Variants in RYR2 observed in about 807,000 individuals in gnomAD.
RYR2 encodes the protein cardiac muscle ryanodine receptor-calcium release channel.
RYR2 carries 227 observed loss-of-function variants against 601.1 expected under a neutral mutation model. That is an observed-to-expected ratio of 0.38 (90% CI 0.34 to 0.42). The LOEUF (loss-of-function observed/expected upper bound fraction) is 0.42, where lower values mean the gene tolerates loss of function less well. RYR2 is among the 10% of genes least tolerant of loss of function. The pLI is 1.00. For synonymous variants in RYR2, 2,223 were observed against 2,175.1 expected (o/e 1.02, Z -0.61); for missense variants, 4,646 against 6,156.5 (o/e 0.75, Z 8.21).
intron 5 of RYR2, among the ~76,000 whole-genome samples, chr1:237,369,213 C>G (rs1440057406): frequency 3.3e-5 from 5 of 151,996 alleles, no homozygotes; most frequent in Admixed American, 3.3e-4. Flanking sequence ...TGGTTCCCAC[C>G]CAGTGGAAAC....
chr1:237,101,684 C>T (rs770144731), intron 1 of RYR2, among the ~76,000 whole-genome samples: 7 of 152,300 alleles, frequency 4.6e-5, no homozygotes, highest in Non-Finnish European at 1.0e-4. Context: ...TTTATAAACA[C>T]CACCCAAACC....
intron 35 of RYR2, among the ~76,000 whole-genome samples, chr1:237,609,828 AT>A (rs1277215048): frequency 1.3e-5 from 2 of 152,220 alleles, no homozygotes; most frequent in East Asian, 3.9e-4. Context: ...TAATTTACTT[AT>A]TGATTTTATT....
In RYR2 at chr1:237,418,792, A is replaced by G. The variant is rs544232100; in HGVS notation, c.848+1669A>G. Among the ~76,000 whole-genome samples, 8 of 152,130 alleles carry G rather than the reference A, an allele frequency of 5.3e-5. No homozygotes were observed. The East Asian group carries it at 1.5e-3, about 29-fold the overall frequency. ...CTGTAACTTTAAAAAGCTCTTCTAT[A>G]TTGTCATTAATAACTAATTGAAAAC... On this transcript the variant is annotated intron_variant, in intron 11 of 104. Coordinates refer to ENST00000366574, the MANE Select transcript of RYR2 (RefSeq NM_001035.3).
Position 237,423,222 on chromosome 1 carries a change from A to G in RYR2, c.979A>G (p.Thr327Ala). 1.9e-6 allele frequency: 3 copies of G among 1,613,752 alleles called. No individual in the cohort carries two copies. Among genetic ancestry groups the G allele is most frequent in the African/African-American group, 1.3e-5 (1 of 75,056 alleles). The stretch of plus-strand genomic sequence containing the variant: ...CAAAGAGAAAGCTGATGTAAAATCA[A>G]CAGCATTTACCTTCCGGTCTTCCAA... Reference protein sequence around the residue: ...MDKEKADVKSTAFTFRSSKEK... With the variant: ...MDKEKADVKSAAFTFRSSKEK... Residue 327 changes from threonine to alanine, a missense_variant, in exon 12 of 105, where the codon ACA (threonine) becomes GCA (alanine). This residue lies in a region of RYR2 where 1,807 missense variants were observed against 2,088.1 expected (regional missense o/e 0.87). Coordinates refer to ENST00000366574, the MANE Select transcript of RYR2 (RefSeq NM_001035.3).
chr1:237,432,079 A>G (rs187597019), intron 12 of RYR2, among the ~76,000 whole-genome samples: 143 of 149,254 alleles, frequency 9.6e-4, no homozygotes, highest in Non-Finnish European at 5.0e-4. Flanking sequence ...TGCCACAGTA[A>G]GCAATTTTTA....
chr1:237,520,533 A>G (rs8179362), intron 24 of RYR2, among the ~76,000 whole-genome samples: 36,206 of 152,022 alleles, frequency 0.24, 4,770 homozygotes, highest in South Asian at 0.39. Flanking sequence ...AATTTTATCA[A>G]ATGCTTTTTC....
chr1:237,453,466 A>G (rs1658442337), intron 14 of RYR2, among the ~76,000 whole-genome samples: 1 of 152,158 alleles, frequency 6.6e-6, no homozygotes, highest in Non-Finnish European at 1.5e-5. Context: ...TGTAAGTTCC[A>G]GCATAGTCAG....
intron 10 of RYR2, among the ~76,000 whole-genome samples, chr1:237,409,892 C>T (rs533246055): frequency 6.6e-6 from 1 of 152,174 alleles, no homozygotes; most frequent in Admixed American, 6.5e-5. Context: ...GATTCATGAT[C>T]AAAATTTGAT....
intron 5 of RYR2, among the ~76,000 whole-genome samples, chr1:237,366,551 G>A (rs1001048774): frequency 1.3e-5 from 2 of 151,944 alleles, no homozygotes; most frequent in Non-Finnish European, 2.9e-5. Context: ...ACAAGCATGA[G>A]GCACTTTGCC....
intron 23 of RYR2, among the ~76,000 whole-genome samples, chr1:237,510,374 A>G (rs1046143121): frequency 3.9e-5 from 6 of 152,156 alleles, no homozygotes; most frequent in Non-Finnish European, 7.3e-5. Flanking sequence ...AGTGGAGATG[A>G]CCTAAATAGG....
chr1:237,393,149 A>G (rs1210992554), intron 10 of RYR2, among the ~76,000 whole-genome samples: 1 of 152,024 alleles, frequency 6.6e-6, no homozygotes, highest in African/African-American at 2.4e-5. Context: ...AGAGAAGGAG[A>G]GAAAGCTTGT....
intron 2 of RYR2, among the ~76,000 whole-genome samples, chr1:237,316,472 G>A (rs1695123991): frequency 6.6e-6 from 1 of 152,104 alleles, no homozygotes. Context: ...CTTAGTTTCA[G>A]ATCCAAAGGC....
At chr1:237,380,939 G>A (rs534898295) in intron 8 of RYR2, among the ~76,000 whole-genome samples, 5 of 152,194 alleles carry the variant, frequency 3.3e-5, no homozygotes, top group African/African-American at 7.2e-5. Context: ...TTAGCCAGGC[G>A]TGGTGGCAGG....
At chr1:237,148,533 T>TATATATATATATATACACACAA in intron 1 of RYR2, among the ~76,000 whole-genome samples, 1 of 116,714 alleles carries the variant, frequency 8.6e-6, no homozygotes, top group African/African-American at 4.0e-5. Flanking sequence ...AAAAAATATA[T>TATATATATATATATACACACAA]ATATATATAT....
chr1:237,388,837 T>G (rs1702146418), intron 10 of RYR2, among the ~76,000 whole-genome samples: 1 of 152,196 alleles, frequency 6.6e-6, no homozygotes, highest in Non-Finnish European at 1.5e-5. Context: ...GAGATTGCAG[T>G]GAGAGAAGGT....
intron 23 of RYR2, among the ~76,000 whole-genome samples, chr1:237,508,797 C>T (rs1262441521): frequency 3.2e-5 from 4 of 124,696 alleles, no homozygotes; most frequent in African/African-American, 1.2e-4. Flanking sequence ...GGCTGGAGTG[C>T]AGTGGCGGGA....
intron 10 of RYR2, among the ~76,000 whole-genome samples, chr1:237,411,082 C>T (rs1224324822): frequency 6.6e-6 from 1 of 152,112 alleles, no homozygotes; most frequent in African/African-American, 2.4e-5. Flanking sequence ...CATGATTTTA[C>T]TCATGTGTGG....
At position 237,467,165 on chromosome 1, in the gene RYR2, TATG is replaced by T. The variant is rs1259390947; in HGVS notation, c.1613-1924_1613-1922del. 1.3e-4 allele frequency among the ~76,000 whole-genome samples: 19 copies of T among 148,136 alleles called. No individual in the cohort carries two copies. In the South Asian group the frequency reaches 2.1e-3, roughly 16 times the overall value. On this transcript the variant is annotated intron_variant, in intron 16 of 104. Coordinates refer to ENST00000366574, the MANE Select transcript of RYR2 (RefSeq NM_001035.3). ...ATATGTTTTCATTTTAGATGGATAA[TATG>T]ATAATGATATATATTATATATATAC...
chr1:237,516,212 G>A (rs1436122426), intron 24 of RYR2, among the ~76,000 whole-genome samples: 3 of 152,138 alleles, frequency 2.0e-5, no homozygotes, highest in Non-Finnish European at 4.4e-5. Flanking sequence ...CCAGATTCAA[G>A]TGATTCTCCT....
Sources: gnomAD v4.1 joint callset for allele counts (sites outside exome capture counted in the v4.1 genomes callset) on GRCh38, gnomAD v4.1.1 for gene constraint, gnomAD v4.1.1 regional missense constraint, MANE v1.5 for transcripts, NCBI Gene and HGNC (gene_info 2026-07-23, HGNC 2026-07-21) for gene names.